PARP8: variants seen among roughly 807,000 people sequenced by gnomAD.
PARP8 encodes protein mono-ADP-ribosyltransferase PARP8.
In PARP8, 51 loss-of-function variants were observed where a neutral mutation model predicts 124.1. The ratio of observed to expected loss-of-function variants is 0.41; its 90% confidence interval spans 0.33 to 0.52. The LOEUF is 0.52. Ranked by LOEUF, PARP8 falls within the 20% of genes least tolerant of loss-of-function variation. The pLI is 0.21. For synonymous variants in PARP8, 391 were observed against 361.5 expected, an observed-to-expected ratio of 1.08 and a Z score of -0.93; for missense variants, 860 against 1,018.9, an observed-to-expected ratio of 0.84 and a Z score of 2.12.
At chr5:50,751,068 A>G (rs1426919480) in intron 3 of PARP8, among the ~76,000 whole-genome samples, 1 of 148,080 alleles carries the variant, frequency 6.8e-6, no homozygotes, top group Non-Finnish European at 1.5e-5. Flanking sequence ...TCTGAGTCAG[A>G]TCATAGAGAT....
intron 2 of PARP8, chr5:50,745,091 A>G (rs1758408926): frequency 4.3e-6 from 1 of 233,880 alleles, no homozygotes; most frequent in African/African-American, 2.2e-5. Context: ...TCCTTCTGGT[A>G]TACCACTGAG....
At chr5:50,725,648 A>G (rs79623221) in intron 2 of PARP8, among the ~76,000 whole-genome samples, 1,537 of 152,280 alleles carry the variant, frequency 0.01, 23 homozygotes, top group African/African-American at 0.035. Context: ...AAGTTAAAAG[A>G]TATTTTTTAA....
At chr5:50,701,444 A>G (rs1231082693) in intron 2 of PARP8, among the ~76,000 whole-genome samples, 3 of 152,150 alleles carry the variant, frequency 2.0e-5, no homozygotes, top group Admixed American at 2.0e-4. Context: ...AATTCTTCAA[A>G]CAAAAAGAAA....
chr5:50,778,533 AT>A, intron 8 of PARP8, 26 bp from the exon 9 acceptor site: 15 of 1,543,576 alleles, frequency 9.7e-6, no homozygotes, highest in Non-Finnish European at 1.3e-5. Flanking sequence ...AAGATGATTA[AT>A]TCATCTTTTA....
Position 50,740,037 on chromosome 5 carries a change from C to T in PARP8, c.147-10114C>T, listed in dbSNP as rs537832010. On this transcript the variant is annotated intron_variant, in intron 2 of 25. Transcript: ENST00000281631. ...GTGCTGGGATTACAGGCATGAGCTA[C>T]TGCGCCCGGCCTGGGTTTATATATT... 7.2e-4 allele frequency among the ~76,000 whole-genome samples: 109 copies of T among 152,178 alleles called. 1 individual carries two copies. Among genetic ancestry groups the T allele is most frequent in the Middle Eastern group, 3.4e-3 (1 of 294 alleles).
intron 14 of PARP8, among the ~76,000 whole-genome samples, chr5:50,814,459 G>A (rs182535995): frequency 3.9e-5 from 6 of 152,180 alleles, no homozygotes; most frequent in African/African-American, 1.2e-4. Context: ...TCTGAAAATG[G>A]AATCAAATGC....
chr5:50,809,540 C>G (rs766444878), intron 14 of PARP8, among the ~76,000 whole-genome samples: 2 of 151,940 alleles, frequency 1.3e-5, no homozygotes, highest in Non-Finnish European at 2.9e-5. Context: ...TCCAGGTTCC[C>G]TTATATTAAT....
intron 18 of PARP8, among the ~76,000 whole-genome samples, chr5:50,826,216 C>A (rs1746335810): frequency 6.6e-6 from 1 of 151,984 alleles, no homozygotes; most frequent in Non-Finnish European, 1.5e-5. Flanking sequence ...GCTTATAGAG[C>A]AGTTCCTTTC....
intron 18 of PARP8, among the ~76,000 whole-genome samples, chr5:50,825,565 C>A (rs1456156552): frequency 6.6e-6 from 1 of 152,076 alleles, no homozygotes; most frequent in African/African-American, 2.4e-5. Context: ...GCTGTGATGC[C>A]CATTTCAAAT....
At chr5:50,708,044 T>G (rs1754346818) in intron 2 of PARP8, among the ~76,000 whole-genome samples, 1 of 152,164 alleles carries the variant, frequency 6.6e-6, no homozygotes, top group African/African-American at 2.4e-5. Flanking sequence ...TTCTACTTTT[T>G]ATTTTTCCTA....
intron 3 of PARP8, among the ~76,000 whole-genome samples, chr5:50,753,247 G>T (rs1422716394): frequency 6.6e-6 from 1 of 151,870 alleles, no homozygotes. Context: ...AATTAGAAAG[G>T]CTTACCTACT....
chr5:50,835,048 G>A (rs1343599722), intron 25 of PARP8, 33 bp downstream of exon 25: 1 of 1,579,056 alleles, frequency 6.3e-7, no homozygotes, highest in Non-Finnish European at 8.7e-7. Flanking sequence ...GTATATTACT[G>A]TCTTTGCCAC....
chr5:50,715,941 A>G (rs1755266838), intron 2 of PARP8, among the ~76,000 whole-genome samples: 1 of 152,116 alleles, frequency 6.6e-6, no homozygotes, highest in Non-Finnish European at 1.5e-5. Context: ...TTCAGTTCCC[A>G]GCTTTCTCAG....
intron 15 of PARP8, among the ~76,000 whole-genome samples, chr5:50,819,748 C>T (rs1252281707): frequency 2.0e-5 from 3 of 152,010 alleles, no homozygotes; most frequent in Non-Finnish European, 4.4e-5. Context: ...CCCAACAAGG[C>T]TATTTTATCT....
intron 15 of PARP8, among the ~76,000 whole-genome samples, chr5:50,818,598 T>C (rs1391615781): frequency 1.3e-5 from 2 of 152,048 alleles, no homozygotes; most frequent in Middle Eastern, 3.2e-3. Context: ...GGGCTGGTCT[T>C]GAACTCCTGG....
chr5:50,824,697 TG>T (rs1202088675), intron 17 of PARP8, among the ~76,000 whole-genome samples: 1 of 151,782 alleles, frequency 6.6e-6, no homozygotes, highest in Non-Finnish European at 1.5e-5. Flanking sequence ...TTTAACACAG[TG>T]TTTGGGCAAG....
Position 50,794,191 on chromosome 5 carries a change from A to T in PARP8, c.738-16A>T, listed in dbSNP as rs757596600. ...GCCTTGGAATGGTGATAACAGAATT[A>T]CCTTTGGATTGACAGAATCATGCAG... On this transcript the variant is annotated splice_polypyrimidine_tract_variant and intron_variant, in intron 10 of 25. Coordinates refer to ENST00000281631, the MANE Select transcript of PARP8 (RefSeq NM_024615.4). The T allele has an allele frequency of 1.2e-6, 2 of 1,605,092 alleles. No individual in the cohort carries two copies. The highest frequency in any genetic ancestry group is 8.5e-7 in the Non-Finnish European group (1 of 1,175,110).
At chr5:50,811,070 T>C (rs1246944811) in intron 14 of PARP8, among the ~76,000 whole-genome samples, 2 of 152,076 alleles carry the variant, frequency 1.3e-5, no homozygotes, top group African/African-American at 4.8e-5. Flanking sequence ...CTTCAAACTA[T>C]TGGAGTAGCA....
At chr5:50,731,144 TTA>T (rs1349559713) in intron 2 of PARP8, among the ~76,000 whole-genome samples, 2 of 152,224 alleles carry the variant, frequency 1.3e-5, no homozygotes, top group African/African-American at 2.4e-5. Context: ...CTCTTTAAAT[TTA>T]TGTTTGTTCA....
Sources: gnomAD v4.1 joint callset for allele counts (sites outside exome capture counted in the v4.1 genomes callset) on GRCh38, gnomAD v4.1.1 for gene constraint, MANE v1.5 for transcripts, NCBI Gene and HGNC (gene_info 2026-07-23, HGNC 2026-07-21) for gene names.